Variants in PCTP observed in about 807,000 individuals in gnomAD.
The protein encoded by PCTP is phosphatidylcholine transfer protein, also known as START domain-containing protein 2.
Under a neutral mutation model 31.0 loss-of-function variants are expected in PCTP, and 27 were observed. That is an observed-to-expected ratio of 0.87 (90% CI 0.64 to 1.20). The LOEUF (loss-of-function observed/expected upper bound fraction) is 1.20. Among genes scored for constraint, PCTP ranks in the 50% most tolerant of loss-of-function variants. The pLI is 0.00. For missense variants in PCTP, 287 were observed against 268.2 expected, an observed-to-expected ratio of 1.07 and a Z score of -0.49; for synonymous variants, 108 against 101.2, an observed-to-expected ratio of 1.07 and a Z score of -0.40.
chr17:55,784,704 T>C (rs1911687260), intron 2 of PCTP, among the ~76,000 whole-genome samples: 2 of 152,328 alleles, frequency 1.3e-5, no homozygotes, highest in South Asian at 4.1e-4. Context: ...ATATACCATT[T>C]ACCATCACTA....
intron 3 of PCTP, among the ~76,000 whole-genome samples, chr17:55,796,650 G>A (rs1912197561): frequency 1.3e-5 from 2 of 151,952 alleles, no homozygotes; most frequent in South Asian, 2.1e-4. Context: ...TATGGGAGAT[G>A]ATAGGTGTAG....
chr17:55,793,496 T>C (rs185807682), intron 3 of PCTP, among the ~76,000 whole-genome samples: 2 of 152,260 alleles, frequency 1.3e-5, no homozygotes, highest in South Asian at 2.1e-4. Flanking sequence ...TGAGGCTCAA[T>C]TGAAAACCAC....
chr17:55,760,754 A>G (rs1267104749), intron 1 of PCTP, among the ~76,000 whole-genome samples: 1 of 152,126 alleles, frequency 6.6e-6, no homozygotes, highest in Non-Finnish European at 1.5e-5. Context: ...CCTGTTGGGC[A>G]AACACACCAG....
intron 5 of PCTP, among the ~76,000 whole-genome samples, chr17:55,836,817 C>G (rs1905791579): frequency 6.6e-6 from 1 of 152,142 alleles, no homozygotes; most frequent in African/African-American, 2.4e-5. Flanking sequence ...AGACCTTGTT[C>G]TAGTAAGAGT....
chr17:55,781,598 TAACTAAAAACAAATAAACAAAATA>T (rs1473717859), downstream of PCTP, among the ~76,000 whole-genome samples: 2 of 152,136 alleles, frequency 1.3e-5, no homozygotes, highest in African/African-American at 4.8e-5. Context: ...TTCATACCAC[TAACTAAAAACAAATAAACAAAATA>T]AACTAAAAAC....
chr17:55,843,563 C>T (rs1037479135), downstream of PCTP, among the ~76,000 whole-genome samples: 8 of 152,182 alleles, frequency 5.3e-5, no homozygotes, highest in Non-Finnish European at 7.4e-5. Context: ...CCCTCACTCA[C>T]CGGACTGGAT....
intron 1 of PCTP, among the ~76,000 whole-genome samples, chr17:55,763,389 C>A (rs1044164611): frequency 6.6e-6 from 1 of 151,716 alleles, no homozygotes. Flanking sequence ...GTATAAAGAG[C>A]CTTAAAATGT....
intron 5 of PCTP, among the ~76,000 whole-genome samples, chr17:55,775,099 C>T (rs1248163490): frequency 2.0e-5 from 3 of 152,020 alleles, no homozygotes; most frequent in Admixed American, 2.0e-4. Context: ...CCTGCTTGTG[C>T]CCCAGGACCC....
At chr17:55,811,000 C>T (rs879484662) in intron 3 of PCTP, among the ~76,000 whole-genome samples, 9 of 152,250 alleles carry the variant, frequency 5.9e-5, no homozygotes, top group East Asian at 5.8e-4. Context: ...CAGGGGAGGC[C>T]GGATAGTTGT....
At chr17:55,807,863 T>G (rs766231394) in intron 3 of PCTP, among the ~76,000 whole-genome samples, 1 of 152,166 alleles carries the variant, frequency 6.6e-6, no homozygotes, top group African/African-American at 2.4e-5. Context: ...CCCCCAGATA[T>G]AAATGCTTCT....
At chr17:55,782,975 A>T (rs9898247) in intron 2 of PCTP, among the ~76,000 whole-genome samples, 1 of 152,156 alleles carries the variant, frequency 6.6e-6, no homozygotes, top group Non-Finnish European at 1.5e-5. Flanking sequence ...AAAATATTCT[A>T]AAGTATCTGC....
At chr17:55,834,836 A>G (rs777505096) in intron 5 of PCTP, among the ~76,000 whole-genome samples, 1 of 152,170 alleles carries the variant, frequency 6.6e-6, no homozygotes, top group Non-Finnish European at 1.5e-5. Context: ...GGGTTTAGGC[A>G]AGTCAGTATT....
chr17:55,812,526 C>T (rs868638651), intron 3 of PCTP, among the ~76,000 whole-genome samples: 49 of 152,196 alleles, frequency 3.2e-4, no homozygotes, highest in African/African-American at 1.1e-3. Context: ...TGCCCCATAT[C>T]TTCAAAGAAA....
intron 1 of PCTP, among the ~76,000 whole-genome samples, chr17:55,763,433 AAC>A (rs1910449033): frequency 2.6e-5 from 4 of 152,094 alleles, no homozygotes; most frequent in Admixed American, 2.6e-4. Context: ...TCTGTAAGAA[AAC>A]ATTTGTAGTA....
intron 3 of PCTP, among the ~76,000 whole-genome samples, chr17:55,771,473 G>C (rs966828810): frequency 6.6e-6 from 1 of 152,200 alleles, no homozygotes; most frequent in African/African-American, 2.4e-5. Context: ...TCAGGCCACA[G>C]AATTGGGGAT....
chr17:55,759,429 T>G (rs1270623122), intron 1 of PCTP, among the ~76,000 whole-genome samples: 1 of 152,216 alleles, frequency 6.6e-6, no homozygotes, highest in Non-Finnish European at 1.5e-5. Context: ...TATCTGTCTT[T>G]GTAGAGTCTT....
At chr17:55,831,909 G>A (rs780600764) in intron 5 of PCTP, among the ~76,000 whole-genome samples, 6 of 152,108 alleles carry the variant, frequency 3.9e-5, no homozygotes, top group East Asian at 3.9e-4. Flanking sequence ...GTGAAACCCC[G>A]TCTCCACTAA....
downstream of PCTP, chr17:55,823,150 CAA>C (rs1905290194): frequency 5.8e-6 from 1 of 173,858 alleles, no homozygotes; most frequent in African/African-American, 2.4e-5. Context: ...ATATGCTTAT[CAA>C]AATTTTTAGA....
chr17:55,814,253 T>G (rs1424536451), intron 3 of PCTP, among the ~76,000 whole-genome samples: 1 of 152,178 alleles, frequency 6.6e-6, no homozygotes, highest in Admixed American at 6.5e-5. Flanking sequence ...TACCCTGTCA[T>G]GTGTTAATGG....
Sources: allele counts gnomAD v4.1 joint callset (sites outside exome capture counted in the v4.1 genomes callset), GRCh38; gene constraint gnomAD v4.1.1; transcripts MANE v1.5; gene names NCBI Gene and HGNC (gene_info 2026-07-23, HGNC 2026-07-21).